Variants in DNAI7 observed in about 807,000 individuals in gnomAD.
The protein encoded by DNAI7 is cancer susceptibility 1.
DNAI7 carries 78 observed loss-of-function variants against 86.6 expected under a neutral mutation model. The ratio of observed to expected loss-of-function variants is 0.90; its 90% CI spans 0.75 to 1.09. The LOEUF (loss-of-function observed/expected upper bound fraction) is 1.09. Ranked by LOEUF, DNAI7 falls within the 50% of genes least tolerant of loss-of-function variation. The pLI is 0.00. For missense variants in DNAI7, 753 were observed against 810.2 expected (o/e 0.93, Z 0.86); for synonymous variants, 274 against 273.0 (o/e 1.00, Z -0.04).
At position 25,119,270 on chromosome 12, in the gene DNAI7, T is replaced by C. The variant is rs1416906717; in HGVS notation, c.1271A>G (p.Tyr424Cys). ...AAACTCTTCTGTAGTTTCCGGAGGA[T>C]ATGTGTATTTCTGTAATCCTTCTTT... ...ILKEGLQKYT[Y>C]PPETTEEFET... Residue 424 changes from tyrosine to cysteine, a missense_variant, in exon 12 of 16, where the codon TAT becomes TGT. By Grantham distance (194) the Tyr-to-Cys change is radical. Transcript: ENST00000395987. 8 of 1,611,450 alleles carry C rather than the reference T, an allele frequency of 5.0e-6. No homozygotes were observed. The highest frequency in any genetic ancestry group is 4.2e-6 in the Non-Finnish European group (5 of 1,178,466).
At chr12:25,149,076 C>T (rs370542745) in intron 7 of DNAI7, among the ~76,000 whole-genome samples, 2 of 152,012 alleles carry the variant, frequency 1.3e-5, no homozygotes, top group South Asian at 4.2e-4. Context: ...GCACTGACAT[C>T]CTGGACTCAA....
rs1412872365 is a variant in DNAI7 at position 25,126,304 on chromosome 12, G to C, written c.1003-3018C>G. Among the ~76,000 whole-genome samples, 6 of 152,050 alleles carry C rather than the reference G, an allele frequency of 3.9e-5. No individual in the cohort carries two copies. The East Asian group carries it at 1.2e-3, about 29-fold the overall frequency. On this transcript the variant is annotated intron_variant, in intron 9 of 15. Coordinates refer to ENST00000395987, the MANE Select transcript of DNAI7 (RefSeq NM_018272.5). Reference sequence around the variant, plus strand: ...TGAAGACTTTAAAATGTCTCCTATGGGTAAAGGAGAGCTCATAAAAGGCCT... The same window carrying C: ...TGAAGACTTTAAAATGTCTCCTATGCGTAAAGGAGAGCTCATAAAAGGCCT...
At chr12:25,109,684 A>AT (rs961771061) in intron 15 of DNAI7, among the ~76,000 whole-genome samples, 52 of 149,114 alleles carry the variant, frequency 3.5e-4, no homozygotes, top group South Asian at 6.4e-4. Flanking sequence ...AAAAATTTGA[A>AT]TTTTTTTTTT....
intron 7 of DNAI7, 97 bp downstream of exon 7, chr12:25,149,531 T>C: frequency 2.3e-6 from 2 of 856,528 alleles, no homozygotes; most frequent in African/African-American, 1.8e-5. Flanking sequence ...TTTTCCATAA[T>C]CTCTTCATTT....
Position 25,121,923 on chromosome 12 carries a change from A to C in DNAI7, c.1079-10T>G. ...ACCAGCAACAACTGTGCTAAAATTA[A>C]TCAGATTAACAGTTTTCAAATAGAT... On this transcript the variant is annotated splice_polypyrimidine_tract_variant and intron_variant, in intron 10 of 15. Transcript: ENST00000395987. 6.4e-7 allele frequency: 1 copy of C among 1,558,670 alleles called. No homozygotes were observed. Among genetic ancestry groups the C allele is most frequent in the Non-Finnish European group, 8.6e-7 (1 of 1,156,738 alleles).
At chr12:25,152,253 T>C (rs898078049) in intron 6 of DNAI7, among the ~76,000 whole-genome samples, 2 of 152,334 alleles carry the variant, frequency 1.3e-5, no homozygotes, top group South Asian at 2.1e-4. Flanking sequence ...TGGCGGCTGA[T>C]TGCCAGAGGG....
At chr12:25,127,548 TAAC>T (rs1194413493) in intron 9 of DNAI7, among the ~76,000 whole-genome samples, 2 of 152,180 alleles carry the variant, frequency 1.3e-5, no homozygotes, top group African/African-American at 2.4e-5. Flanking sequence ...TTAAAGTAAA[TAAC>T]AATTTCTAAA....
intron 9 of DNAI7, among the ~76,000 whole-genome samples, chr12:25,126,710 G>C (rs944067566): frequency 6.6e-6 from 1 of 152,218 alleles, no homozygotes; most frequent in Non-Finnish European, 1.5e-5. Flanking sequence ...AATTTGAGGT[G>C]CCTGTGGGAT....
At chr12:25,112,951 G>A (rs986843534) in intron 13 of DNAI7, among the ~76,000 whole-genome samples, 5 of 152,068 alleles carry the variant, frequency 3.3e-5, no homozygotes, top group Non-Finnish European at 2.9e-5. Context: ...ACCTGAAAAC[G>A]CACACTGAAC....
At chr12:25,190,661 A>G (rs1328972287) in intron 1 of DNAI7, 30 bp from the exon 2 acceptor site, 2 of 1,318,396 alleles carry the variant, frequency 1.5e-6, no homozygotes, top group Non-Finnish European at 2.1e-6. Context: ...AGAATTGATC[A>G]ATTTTAAAGA....
intron 6 of DNAI7, among the ~76,000 whole-genome samples, chr12:25,153,435 A>T (rs528225073): frequency 2.7e-5 from 4 of 150,042 alleles, no homozygotes; most frequent in East Asian, 1.9e-4. Context: ...AATTAATTAA[A>T]TAAATAAATA....
intron 4 of DNAI7, 74 bp from the exon 5 acceptor site, chr12:25,155,486 T>G: frequency 1.4e-6 from 1 of 700,460 alleles, no homozygotes; most frequent in Non-Finnish European, 2.4e-6. Flanking sequence ...CATCTAAAAC[T>G]GACGTGGCTA....
chr12:25,130,867 T>C (rs998068529), intron 9 of DNAI7, among the ~76,000 whole-genome samples: 1 of 152,098 alleles, frequency 6.6e-6, no homozygotes, highest in Non-Finnish European at 1.5e-5. Context: ...TGAACTAAAA[T>C]GTGGTATTAA....
At chr12:25,163,036 AC>A (rs1947010082) in intron 2 of DNAI7, among the ~76,000 whole-genome samples, 1 of 152,228 alleles carries the variant, frequency 6.6e-6, no homozygotes, top group South Asian at 2.1e-4. Context: ...CCTGGGAGAC[AC>A]CCCAAATACG....
At chr12:25,123,645 T>A (rs977768028) in intron 9 of DNAI7, among the ~76,000 whole-genome samples, 1 of 152,208 alleles carries the variant, frequency 6.6e-6, no homozygotes, top group African/African-American at 2.4e-5. Flanking sequence ...TCAGCTCTGG[T>A]AGAGTCATCC....
intron 9 of DNAI7, among the ~76,000 whole-genome samples, chr12:25,127,149 T>A (rs1233488580): frequency 6.6e-6 from 1 of 152,246 alleles, no homozygotes; most frequent in African/African-American, 2.4e-5. Context: ...TCAACTTACA[T>A]TCTAGCACAA....
chr12:25,111,791 T>C lies in DNAI7; in HGVS notation c.1760A>G (p.Tyr587Cys). 2 of 1,587,968 alleles carry C rather than the reference T, an allele frequency of 1.3e-6. No individual in the cohort carries two copies. The highest frequency in any genetic ancestry group is 1.7e-6 in the Non-Finnish European group (2 of 1,170,446). The change falls in exon 14 of 16, where the codon TAT becomes TGT. Residue 587 changes from tyrosine (Y) to cysteine (C), a missense_variant. Transcript: ENST00000395987. ...NIFPTRHSHFYVIINNKVPLV... is the reference protein window; with the variant it reads ...NIFPTRHSHFCVIINNKVPLV... ...TCTTGCCTTATTGTTTATAATAACA[T>C]AAAAATGAGAGTGTCTAGTAGGAAA...
intron 9 of DNAI7, 97 bp downstream of exon 9, chr12:25,144,268 T>A: frequency 9.6e-7 from 1 of 1,036,600 alleles, no homozygotes. Flanking sequence ...CCCAGACAAT[T>A]TCCAGTTGTT....
At chr12:25,113,279 C>CTGTTGTTGT (rs111423023) in intron 13 of DNAI7, among the ~76,000 whole-genome samples, 307 of 150,676 alleles carry the variant, frequency 2.0e-3, no homozygotes, top group African/African-American at 6.5e-3. Flanking sequence ...GTTGTTGTTG[C>CTGTTGTTGT]TGTTGTTGTT....
Sources: allele counts gnomAD v4.1 joint callset (sites outside exome capture counted in the v4.1 genomes callset), GRCh38; gene constraint gnomAD v4.1.1; transcripts MANE v1.5; gene names NCBI Gene and HGNC (gene_info 2026-07-23, HGNC 2026-07-21).